The following CACHD1 variants were observed in gnomAD, a reference collection of about 807,000 sequenced individuals.
CACHD1 encodes cache domain containing 1, also known as VWFA and cache domain-containing protein 1.
In CACHD1, 71 loss-of-function variants were observed where a neutral mutation model predicts 138.7. That is an observed-to-expected ratio of 0.51 (90% confidence interval 0.42 to 0.62). CACHD1 has a LOEUF of 0.62. Ranked by LOEUF, CACHD1 falls within the 20% of genes least tolerant of loss-of-function variation. The pLI, the probability that CACHD1 is intolerant of heterozygous loss-of-function variation, is 0.00. For missense variants in CACHD1, 1,389 were observed against 1,625.3 expected, an observed-to-expected ratio of 0.85 and a Z score of 2.50; for synonymous variants, 578 against 591.5, an observed-to-expected ratio of 0.98 and a Z score of 0.33.
rs1162068431 is a variant in CACHD1, at chr1:64,634,356, T to TTTTA, written c.1006+110_1006+113dup. ...GATCACACAATGATGTTTAGAGAGA[T>TTTTA]TTTATTTATTTATTTATGTATGTAT... On this transcript the variant is annotated intron_variant, in intron 7 of 26. Transcript: ENST00000651257. 3.8e-4 allele frequency: 223 copies of TTTTA among 582,984 alleles called. 1 individual carries two copies. The East Asian group carries it at 4.7e-3, about 12-fold the overall frequency. 36.1% of individuals were successfully genotyped at this position (582,984 alleles called of 1,614,324 possible).
chr1:64,517,785 C>A (rs1646469548), intron 1 of CACHD1, among the ~76,000 whole-genome samples: 1 of 152,184 alleles, frequency 6.6e-6, no homozygotes, highest in African/African-American at 2.4e-5. Context: ...AGTGTAGCAC[C>A]TTTACCCGAT....
chr1:64,610,680 T>C (rs1647500587), intron 4 of CACHD1, among the ~76,000 whole-genome samples: 1 of 152,230 alleles, frequency 6.6e-6, no homozygotes, highest in Non-Finnish European at 1.5e-5. Flanking sequence ...TCCTGGCTCC[T>C]ATCACGGGCT....
chr1:64,500,732 AAAAGAGAGAGAGAGAG>A (rs1646333711), intron 1 of CACHD1, among the ~76,000 whole-genome samples: 3 of 51,782 alleles, frequency 5.8e-5, no homozygotes, highest in African/African-American at 8.8e-5. Context: ...AAAAAAAAAA[AAAAGAGAGAGAGAGAG>A]AGAGAGAGAG....
At chr1:64,532,393 G>A (rs1354425333) in intron 1 of CACHD1, among the ~76,000 whole-genome samples, 5 of 152,190 alleles carry the variant, frequency 3.3e-5, no homozygotes, top group African/African-American at 2.4e-5. Flanking sequence ...CTGCAGACAC[G>A]AGTAGAGCAT....
At chr1:64,689,487 C>T (rs1202645216) in intron 26 of CACHD1, among the ~76,000 whole-genome samples, 1 of 152,182 alleles carries the variant, frequency 6.6e-6, no homozygotes, top group African/African-American at 2.4e-5. Context: ...CTCTATCCCT[C>T]ACGCGGGCTG....
At chr1:64,474,643 A>T (rs1222127616) in intron 1 of CACHD1, among the ~76,000 whole-genome samples, 1 of 152,242 alleles carries the variant, frequency 6.6e-6, no homozygotes, top group Non-Finnish European at 1.5e-5. Flanking sequence ...CTCCTTAAGG[A>T]GTTTACATTC....
chr1:64,492,664 C>T (rs1200402612), intron 1 of CACHD1, among the ~76,000 whole-genome samples: 3 of 152,036 alleles, frequency 2.0e-5, no homozygotes, highest in Admixed American at 2.0e-4. Context: ...TTAGAGTTAA[C>T]GTCAGTGTAA....
At chr1:64,672,255 T>C (rs3934672) in intron 17 of CACHD1, among the ~76,000 whole-genome samples, 17,815 of 152,184 alleles carry the variant, frequency 0.12, 1,777 homozygotes, top group East Asian at 0.54. Context: ...TTGGCCCTTA[T>C]GGGGAAATGC....
chr1:64,476,444 T>A (rs898592564), intron 1 of CACHD1, among the ~76,000 whole-genome samples: 1 of 152,248 alleles, frequency 6.6e-6, no homozygotes, highest in African/African-American at 2.4e-5. Flanking sequence ...GATTTGAATG[T>A]GTAATTACGC....
intron 7 of CACHD1, among the ~76,000 whole-genome samples, chr1:64,639,733 G>T (rs1400780666): frequency 6.6e-6 from 1 of 152,188 alleles, no homozygotes; most frequent in African/African-American, 2.4e-5. Context: ...TTCACCATTA[G>T]GATAATTTTT....
At chr1:64,683,499 T>C (rs1650255017) in intron 26 of CACHD1, among the ~76,000 whole-genome samples, 1 of 152,202 alleles carries the variant, frequency 6.6e-6, no homozygotes, top group Non-Finnish European at 1.5e-5. Flanking sequence ...TCAATAGGAA[T>C]TGCATCAATA....
chr1:64,583,956 C>G (rs116583718), intron 3 of CACHD1, among the ~76,000 whole-genome samples: 2,224 of 152,214 alleles, frequency 0.015, 50 homozygotes, highest in African/African-American at 0.051. Context: ...GGGGACACAG[C>G]CAAACCATAT....
chr1:64,590,215 G>A (rs1332717564), intron 3 of CACHD1, among the ~76,000 whole-genome samples: 4 of 151,692 alleles, frequency 2.6e-5, no homozygotes, highest in East Asian at 1.9e-4. Flanking sequence ...CCAGCTACTC[G>A]GGAGGCTGAG....
At chr1:64,477,987 A>G (rs1646185926) in intron 1 of CACHD1, among the ~76,000 whole-genome samples, 1 of 152,170 alleles carries the variant, frequency 6.6e-6, no homozygotes, top group Non-Finnish European at 1.5e-5. Context: ...CATCTATGAC[A>G]TGTTTATTGT....
At chr1:64,544,519 G>A (rs974800225) in intron 1 of CACHD1, among the ~76,000 whole-genome samples, 2 of 151,978 alleles carry the variant, frequency 1.3e-5, no homozygotes, top group East Asian at 3.9e-4. Context: ...TGGGAGGGTG[G>A]GTCAGTGGAT....
At chr1:64,675,777 C>T in intron 20 of CACHD1, 120 bp from the exon 21 acceptor site, 1 of 724,820 alleles carries the variant, frequency 1.4e-6, no homozygotes, top group East Asian at 2.8e-5. Context: ...TTGGCTGTAA[C>T]TTCTTTTTTA....
At chr1:64,530,745 C>G (rs922559048) in intron 1 of CACHD1, among the ~76,000 whole-genome samples, 1 of 151,932 alleles carries the variant, frequency 6.6e-6, no homozygotes, top group African/African-American at 2.4e-5. Flanking sequence ...GTGGTGCACA[C>G]CTGTAATCCC....
chr1:64,679,524 C>T, intron 23 of CACHD1, 71 bp from the exon 24 acceptor site: 3 of 1,553,912 alleles, frequency 1.9e-6, no homozygotes, highest in Non-Finnish European at 2.6e-6. Flanking sequence ...TCCCTCCCAT[C>T]TCACCATCCT....
At position 64,550,623 on chromosome 1, in the gene CACHD1, G is replaced by GA; in HGVS notation, c.232dup (p.Ile78AsnfsTer7). 6.2e-7 allele frequency: 1 copy of GA among 1,612,068 alleles called. No individual in the cohort carries two copies. The highest frequency in any genetic ancestry group is 8.5e-7 in the Non-Finnish European group (1 of 1,178,322). ...TATTCAACTCCTTTGTTTACACTGA[G>GA]AAAATCTCAAATGGAGAAAGTGAAG... On this transcript the variant is annotated frameshift_variant, in exon 2 of 27. Coordinates refer to ENST00000651257, the MANE Select transcript of CACHD1 (RefSeq NM_020925.4). LOFTEE classifies it high-confidence loss of function.
Sources: allele counts gnomAD v4.1 joint callset (sites outside exome capture counted in the v4.1 genomes callset), GRCh38; gene constraint gnomAD v4.1.1; transcripts MANE v1.5; gene names NCBI Gene and HGNC (gene_info 2026-07-23, HGNC 2026-07-21).